The following TIAM1 variants were observed in gnomAD, a reference collection of about 807,000 sequenced individuals.
TIAM1 encodes the protein rho guanine nucleotide exchange factor TIAM1.
Under a neutral mutation model 163.5 loss-of-function variants are expected in TIAM1, and 65 were observed. That is an observed-to-expected ratio of 0.40 (90% CI 0.33 to 0.49). The LOEUF is 0.49. TIAM1 is among the 20% of genes least tolerant of loss of function. The pLI is 0.77. For synonymous variants in TIAM1, 833 were observed against 810.1 expected (o/e 1.03, Z -0.48); for missense variants, 1,789 against 2,044.7 (o/e 0.87, Z 2.41).
At chr21:31,369,070 C>T (rs2076548338) in intron 2 of TIAM1, among the ~76,000 whole-genome samples, 1 of 151,604 alleles carries the variant, frequency 6.6e-6, no homozygotes, top group African/African-American at 2.4e-5. Context: ...ACTAAAAACA[C>T]AGAAAATTAG....
chr21:31,510,479 T>C (rs750446861), intron 1 of TIAM1, among the ~76,000 whole-genome samples: 10 of 152,194 alleles, frequency 6.6e-5, no homozygotes, highest in Non-Finnish European at 1.5e-4. Flanking sequence ...CATATGAAGT[T>C]TCAACATAGG....
At chr21:31,131,045 G>T in intron 23 of TIAM1, 97 bp from the exon 24 acceptor site, 1 of 963,356 alleles carries the variant, frequency 1.0e-6, no homozygotes, top group East Asian at 2.5e-5. Flanking sequence ...CAGTTATGAA[G>T]AGGACGTTGA....
At position 31,351,373 on chromosome 21, in the gene TIAM1, T is replaced by C. The variant is rs562742264; in HGVS notation, c.-368-11951A>G. ...CAATTATTACCTCCTTTAAAAAATA[T>C]GTCCATAAAATGAACATTCAATGCA... On this transcript the variant is annotated intron_variant, in intron 2 of 28. Transcript: ENST00000286827. Among the ~76,000 whole-genome samples, 11 of 152,324 alleles carry C rather than the reference T, an allele frequency of 7.2e-5. No individual in the cohort carries two copies. The South Asian group carries it at 1.4e-3, about 20-fold the overall frequency.
chr21:31,505,081 AC>A (rs2046981207), intron 1 of TIAM1, among the ~76,000 whole-genome samples: 1 of 152,140 alleles, frequency 6.6e-6, no homozygotes. Flanking sequence ...ATGAGTGAGG[AC>A]CCCATGGGCC....
At chr21:31,319,779 CA>C (rs34265205) in intron 2 of TIAM1, among the ~76,000 whole-genome samples, 32,154 of 100,688 alleles carry the variant, frequency 0.32, 3,781 homozygotes, top group Middle Eastern at 0.39. Flanking sequence ...GACTCTATCT[CA>C]AAAAAAAAAA....
rs140106873 is a variant in TIAM1, at chr21:31,311,897, C to T, written c.-189+27346G>A. On this transcript the variant is annotated intron_variant, in intron 2 of 27. Transcript: ENST00000541036. Reference sequence around the variant, plus strand: ...GGCATCATCTAATCAGCTGCCAGCACGGCCAGAATAAAAGCAGGCAGAAGA... The same window carrying T: ...GGCATCATCTAATCAGCTGCCAGCATGGCCAGAATAAAAGCAGGCAGAAGA... Among the ~76,000 whole-genome samples the T allele has an allele frequency of 3.4e-3, 506 of 150,446 alleles. 2 individuals carry two copies. The highest frequency in any genetic ancestry group is 0.012 in the African/African-American group (478 of 39,776).
intron 2 of TIAM1, among the ~76,000 whole-genome samples, chr21:31,303,370 C>T (rs2074573745): frequency 6.6e-6 from 1 of 152,166 alleles, no homozygotes; most frequent in Non-Finnish European, 1.5e-5. Flanking sequence ...TGATCTCTGT[C>T]ATTCACAGAT....
At chr21:31,440,987 C>T (rs1297693526) in intron 2 of TIAM1, among the ~76,000 whole-genome samples, 4 of 152,140 alleles carry the variant, frequency 2.6e-5, no homozygotes, top group African/African-American at 4.8e-5. Flanking sequence ...TTCCCAGCAC[C>T]CCATCGTGGA....
intron 2 of TIAM1, among the ~76,000 whole-genome samples, chr21:31,373,491 C>T (rs2076634016): frequency 6.6e-6 from 1 of 152,106 alleles, no homozygotes; most frequent in Admixed American, 6.6e-5. Flanking sequence ...AGCAGAAACC[C>T]CTGATAAACC....
chr21:31,189,253 TC>T (rs2085445929), intron 13 of TIAM1, among the ~76,000 whole-genome samples: 1 of 151,214 alleles, frequency 6.6e-6, no homozygotes, highest in African/African-American at 2.4e-5. Context: ...TGGGGTTCCG[TC>T]ATGCTGGCCA....
intron 8 of TIAM1, among the ~76,000 whole-genome samples, chr21:31,221,204 G>T (rs1234999636): frequency 6.6e-6 from 1 of 152,192 alleles, no homozygotes; most frequent in Non-Finnish European, 1.5e-5. Flanking sequence ...ATCTTCCACA[G>T]GAGCTAAAGC....
chr21:31,175,855 T>C (rs1336849587), intron 15 of TIAM1, among the ~76,000 whole-genome samples: 1 of 152,182 alleles, frequency 6.6e-6, no homozygotes, highest in Admixed American at 6.5e-5. Context: ...TGCCTCGGCC[T>C]CCCAAAGTGC....
Position 31,187,192 on chromosome 21 carries a change from T to C in TIAM1, c.2576-105A>G, listed in dbSNP as rs1465575983. 2.8e-6 allele frequency: 3 copies of C among 1,073,510 alleles called. No homozygotes were observed. The African/African-American group carries it at 4.7e-5, about 17-fold the overall frequency. 66.5% of individuals were successfully genotyped at this position (1,073,510 alleles called of 1,614,324 possible). ...ACTAGGTATGTTTCATGTTTGTCAT[T>C]ATAGTTTGGACTGATTGTTTTTTCT... is the stretch of plus-strand genomic sequence containing the variant. On this transcript the variant is annotated intron_variant, in intron 13 of 27. Coordinates refer to ENST00000541036, the MANE Select transcript of TIAM1 (RefSeq NM_001353694.2).
intron 1 of TIAM1, among the ~76,000 whole-genome samples, chr21:31,536,758 T>C (rs1236645492): frequency 1.3e-5 from 2 of 152,026 alleles, no homozygotes; most frequent in Non-Finnish European, 2.9e-5. Flanking sequence ...ACGGGGAAGA[T>C]GATGAATTCT....
chr21:31,546,713 A>G (rs2048509012), intron 1 of TIAM1, among the ~76,000 whole-genome samples: 1 of 152,220 alleles, frequency 6.6e-6, no homozygotes, highest in African/African-American at 2.4e-5. Flanking sequence ...AAGGATATGC[A>G]TGTCACAGCA....
At chr21:31,399,622 T>C (rs75329898) in intron 2 of TIAM1, among the ~76,000 whole-genome samples, 309 of 152,346 alleles carry the variant, frequency 2.0e-3, no homozygotes, top group African/African-American at 7.1e-3. Flanking sequence ...TCTTGAGATA[T>C]ATGTTATAGC....
chr21:31,430,225 A>AAAATATATAT (rs1555978198), intron 2 of TIAM1, among the ~76,000 whole-genome samples: 5 of 90,276 alleles, frequency 5.5e-5, no homozygotes, highest in African/African-American at 2.9e-4. Flanking sequence ...AAAAAAAAAA[A>AAAATATATAT]ATATATATAT....
chr21:31,148,835 CAA>C (rs1414437037), intron 19 of TIAM1, among the ~76,000 whole-genome samples: 1 of 152,190 alleles, frequency 6.6e-6, no homozygotes, highest in Non-Finnish European at 1.5e-5. Context: ...ACGTACATTG[CAA>C]ATTTCCAAAT....
chr21:31,258,036 C>G (rs1601728233), intron 4 of TIAM1, among the ~76,000 whole-genome samples: 1 of 151,944 alleles, frequency 6.6e-6, no homozygotes, highest in Non-Finnish European at 1.5e-5. Flanking sequence ...TGCCCTCACC[C>G]TGACCACCCT....
Sources: allele counts gnomAD v4.1 joint callset (sites outside exome capture counted in the v4.1 genomes callset), GRCh38; gene constraint gnomAD v4.1.1; transcripts MANE v1.5; gene names NCBI Gene and HGNC (gene_info 2026-07-23, HGNC 2026-07-21).